The following CSMD1 variants were observed in gnomAD, a reference collection of about 807,000 sequenced individuals.
CSMD1 encodes CUB and sushi domain-containing protein 1.
A neutral mutation model predicts 417.5 loss-of-function variants in CSMD1; 213 were observed. The ratio of observed to expected loss-of-function variants is 0.51; its 90% CI spans 0.46 to 0.57. The LOEUF (loss-of-function observed/expected upper bound fraction) is 0.57, where lower values mean the gene tolerates loss of function less well. CSMD1 is among the 20% of genes least tolerant of loss of function. The pLI, the probability that CSMD1 is intolerant of heterozygous loss-of-function variation, is 0.00. For synonymous variants in CSMD1, 2,862 were observed against 1,736.8 expected (o/e 1.65, Z -16.11); for missense variants, 6,923 against 4,529.7 (o/e 1.53, Z -15.17).
intron 2 of CSMD1, among the ~76,000 whole-genome samples, chr8:4,439,170 TAAGTA>T (rs1229722375): frequency 6.6e-6 from 1 of 152,208 alleles, no homozygotes; most frequent in African/African-American, 2.4e-5. Flanking sequence ...TTATTTCAAT[TAAGTA>T]AATGAGCCAT....
chr8:3,893,548 G>A lies in CSMD1; in HGVS notation c.818+104355C>T, dbSNP rs530859924. On this transcript the variant is annotated intron_variant, in intron 5 of 69. Coordinates refer to ENST00000635120, the MANE Select transcript of CSMD1 (RefSeq NM_033225.6). ...ATTTATAAATATTATGAAACCAAAG[G>A]CAAACGCCACTGCTCTACTTCCTCT... Among the ~76,000 whole-genome samples the A allele has an allele frequency of 4.6e-5, 7 of 151,434 alleles. No homozygotes were observed. In the South Asian group the frequency reaches 1.5e-3, roughly 32 times the overall value.
intron 3 of CSMD1, among the ~76,000 whole-genome samples, chr8:4,041,508 C>A (rs1797893861): frequency 1.3e-5 from 2 of 152,084 alleles, no homozygotes; most frequent in African/African-American, 4.8e-5. Flanking sequence ...AACCAAACCC[C>A]AGTGAAAGAA....
At chr8:3,859,794 A>G (rs1804569867) in intron 5 of CSMD1, among the ~76,000 whole-genome samples, 1 of 152,198 alleles carries the variant, frequency 6.6e-6, no homozygotes, top group Non-Finnish European at 1.5e-5. Flanking sequence ...TCAGAGGTCA[A>G]TGCATCCTGA....
intron 2 of CSMD1, among the ~76,000 whole-genome samples, chr8:4,615,597 CAA>C (rs1265724025): frequency 2.0e-5 from 3 of 152,062 alleles, no homozygotes; most frequent in African/African-American, 4.8e-5. Flanking sequence ...TCATTCAAAG[CAA>C]AAGAGGCGCT....
intron 1 of CSMD1, among the ~76,000 whole-genome samples, chr8:4,882,612 G>A (rs888742885): frequency 6.6e-6 from 1 of 151,800 alleles, no homozygotes; most frequent in Non-Finnish European, 1.5e-5. Context: ...ATGCAATGAG[G>A]TATTCAACTA....
intron 3 of CSMD1, among the ~76,000 whole-genome samples, chr8:4,223,485 G>A (rs915041967): frequency 2.0e-5 from 3 of 152,218 alleles, no homozygotes; most frequent in African/African-American, 7.2e-5. Flanking sequence ...AAGGATAATT[G>A]GTAGAGATGA....
chr8:3,735,934 G>C (rs566471697), intron 6 of CSMD1, among the ~76,000 whole-genome samples: 11 of 151,624 alleles, frequency 7.3e-5, no homozygotes, highest in Non-Finnish European at 1.5e-4. Context: ...AAGCTTTCTT[G>C]CTAGGGAAAG....
intron 3 of CSMD1, among the ~76,000 whole-genome samples, chr8:4,129,791 T>C (rs1347628691): frequency 2.6e-5 from 4 of 152,288 alleles, no homozygotes; most frequent in South Asian, 2.1e-4. Context: ...ATTTTCTCCA[T>C]TTGTTACTCC....
intron 3 of CSMD1, among the ~76,000 whole-genome samples, chr8:4,098,794 A>C (rs905464030): frequency 6.6e-6 from 1 of 152,196 alleles, no homozygotes; most frequent in African/African-American, 2.4e-5. Context: ...ACTAATAAGA[A>C]GACAATGTCA....
chr8:4,061,912 T>A (rs1563071873), intron 3 of CSMD1, among the ~76,000 whole-genome samples: 2 of 152,140 alleles, frequency 1.3e-5, no homozygotes, highest in Non-Finnish European at 2.9e-5. Context: ...AATAAATAAA[T>A]CAATTATGCA....
At chr8:3,829,282 G>T (rs1007045110) in intron 5 of CSMD1, among the ~76,000 whole-genome samples, 1 of 152,022 alleles carries the variant, frequency 6.6e-6, no homozygotes, top group African/African-American at 2.4e-5. Flanking sequence ...TACGATGTTT[G>T]GTTTTCCATT....
chr8:4,531,158 A>G (rs4875357), intron 2 of CSMD1, among the ~76,000 whole-genome samples: 53,531 of 152,116 alleles, frequency 0.35, 10,293 homozygotes, highest in Admixed American at 0.48. Context: ...CATTTTTTGT[A>G]GGATCTGTCA....
At chr8:4,667,326 G>A (rs925812178) in intron 1 of CSMD1, among the ~76,000 whole-genome samples, 1 of 151,772 alleles carries the variant, frequency 6.6e-6, no homozygotes, top group Non-Finnish European at 1.5e-5. Context: ...AAATTGTCTT[G>A]GCCATTCTAG....
intron 26 of CSMD1, among the ~76,000 whole-genome samples, chr8:3,253,544 TC>T (rs1319151928): frequency 2.0e-5 from 3 of 152,210 alleles, no homozygotes; most frequent in African/African-American, 7.2e-5. Context: ...GTCTATTAGG[TC>T]CACTTGGAGC....
Position 4,844,317 on chromosome 8 carries a change from G to A in CSMD1, c.85+150015C>T, listed in dbSNP as rs10095749. ...TCCTCCAGCATCAGTAGATAGTGCC[G>A]TTATTGATACATTTTGTTTTTTTTG... On this transcript the variant is annotated intron_variant, in intron 1 of 69. Transcript: ENST00000635120. Among the ~76,000 whole-genome samples, 449 of 152,182 alleles carry A rather than the reference G, an allele frequency of 3.0e-3. 3 individuals carry two copies. The highest frequency in any genetic ancestry group is 8.5e-3 in the African/African-American group (352 of 41,526).
intron 7 of CSMD1, among the ~76,000 whole-genome samples, chr8:3,665,800 C>G (rs1019299666): frequency 2.6e-5 from 4 of 152,124 alleles, no homozygotes; most frequent in African/African-American, 7.2e-5. Context: ...TCTTAGAGCA[C>G]CCCTAGGAAT....
chr8:4,806,351 C>A (rs536519086), intron 1 of CSMD1, among the ~76,000 whole-genome samples: 2 of 152,252 alleles, frequency 1.3e-5, no homozygotes, highest in Admixed American at 6.5e-5. Flanking sequence ...CAGTTTTCAG[C>A]GTTGCAGTAT....
chr8:3,913,680 G>C (rs1352435055), intron 5 of CSMD1, among the ~76,000 whole-genome samples: 2 of 152,168 alleles, frequency 1.3e-5, no homozygotes, highest in African/African-American at 4.8e-5. Flanking sequence ...AAATATCAAG[G>C]ATGCAAACTT....
At chr8:4,162,515 G>A (rs1413258872) in intron 3 of CSMD1, among the ~76,000 whole-genome samples, 1 of 152,032 alleles carries the variant, frequency 6.6e-6, no homozygotes, top group African/African-American at 2.4e-5. Context: ...AATCTAACTT[G>A]CCAGAATATT....
Sources: allele counts gnomAD v4.1 joint callset (sites outside exome capture counted in the v4.1 genomes callset), GRCh38; gene constraint gnomAD v4.1.1; transcripts MANE v1.5; gene names NCBI Gene and HGNC (gene_info 2026-07-23, HGNC 2026-07-21).